Variants in ACOX2 observed in about 807,000 individuals in gnomAD.
ACOX2 encodes the protein peroxisomal acyl-coenzyme A oxidase 2.
Under a neutral mutation model 77.5 loss-of-function variants are expected in ACOX2, and 59 were observed. The observed-to-expected ratio is 0.76, with a 90% confidence interval of 0.62 to 0.95. The LOEUF (loss-of-function observed/expected upper bound fraction) is 0.95, where lower values mean the gene tolerates loss of function less well. Among genes scored for constraint, ACOX2 ranks in the 40% least tolerant of loss-of-function variants. The pLI is 0.00. For missense variants in ACOX2, 837 were observed against 880.4 expected (o/e 0.95, Z 0.62); for synonymous variants, 317 against 340.1 (o/e 0.93, Z 0.75).
chr3:58,531,144 G>A lies in ACOX2; in HGVS notation c.819+107C>T, dbSNP rs569134699. ...ATCAGAGCCTCTCTTGGGGGAGGAGGTTATGTGGCCCAAACTAAGCTCTAT... is the reference window on the plus strand; with the variant it reads ...ATCAGAGCCTCTCTTGGGGGAGGAGATTATGTGGCCCAAACTAAGCTCTAT... On this transcript the variant is annotated intron_variant, in intron 7 of 14. Transcript: ENST00000302819. The surrounding 1 kb of genome is among the most constrained non-coding windows in gnomAD (Gnocchi z 5.8). The A allele has an allele frequency of 1.6e-4, 153 of 934,502 alleles. 3 individuals are homozygous for A. The South Asian group carries it at 2.5e-3, about 15-fold the overall frequency. 57.9% of individuals were successfully genotyped at this position (934,502 alleles called of 1,614,324 possible).
At chr3:58,510,860 C>T (rs1005021974) in intron 13 of ACOX2, 2 of 399,982 alleles carry the variant, frequency 5.0e-6, no homozygotes, top group Non-Finnish European at 1.0e-5. Flanking sequence ...AAAAAACAAT[C>T]ATAACTGGTG....
rs534444256 is a variant in ACOX2 at position 58,531,011 on chromosome 3, G to A, written c.819+240C>T. Among the ~76,000 whole-genome samples the A allele has an allele frequency of 8.3e-4, 127 of 152,248 alleles. 5 individuals carry two copies. In the South Asian group the frequency reaches 0.025, roughly 30 times the overall value. On this transcript the variant is annotated intron_variant, in intron 7 of 14. Coordinates refer to ENST00000302819, the MANE Select transcript of ACOX2 (RefSeq NM_003500.4). The surrounding 1 kb of genome is among the most constrained non-coding windows in gnomAD (Gnocchi z 5.8). Reference sequence around the variant, plus strand: ...TCCTGGGGCTGCCACCCCACCCCACGATTGCTCTGTCAGCCTATGTGACGA... The same window carrying A: ...TCCTGGGGCTGCCACCCCACCCCACAATTGCTCTGTCAGCCTATGTGACGA...
At position 58,524,996 on chromosome 3, in the gene ACOX2, TAGG is replaced by T. The variant is rs2063384523; in HGVS notation, c.1347-394_1347-392del. ...ATAGAGGCAAGAATGCTAACAGGAG[TAGG>T]AGGATTATAGGTGACTCTCAACTGC... On this transcript the variant is annotated intron_variant, in intron 10 of 14. Transcript: ENST00000302819. The surrounding 1 kb of genome is among the most constrained non-coding windows in gnomAD (Gnocchi z 5.5). 6.6e-6 allele frequency among the ~76,000 whole-genome samples: 1 copy of T among 151,986 alleles called. No individual in the cohort carries two copies. Among genetic ancestry groups the T allele is most frequent in the African/African-American group, 2.4e-5 (1 of 41,386 alleles).
At position 58,531,621 on chromosome 3, in the gene ACOX2, G is replaced by A; in HGVS notation, c.703+72C>T. ...TCTTAGCTACTCCTGTGGCCCTCTG[G>A]GGCCCCAGGTCAGGGAGGCCACCTG... On this transcript the variant is annotated intron_variant, in intron 6 of 14. Transcript: ENST00000302819. The surrounding 1 kb of genome is among the most constrained non-coding windows in gnomAD (Gnocchi z 5.8). The A allele has an allele frequency of 6.4e-7, 1 of 1,573,238 alleles. No individual in the cohort carries two copies. The highest frequency in any genetic ancestry group is 1.2e-5 in the South Asian group (1 of 84,014).
At chr3:58,529,183 T>C (rs1018365431) in intron 8 of ACOX2, 2 of 397,250 alleles carry the variant, frequency 5.0e-6, no homozygotes, top group Non-Finnish European at 8.8e-6. Context: ...CTGCCCCTTG[T>C]TAAGGGAGGC....
Position 58,530,500 on chromosome 3 carries a change from A to G in ACOX2, c.958T>C (p.Ser320Pro). 6.2e-7 allele frequency: 1 copy of G among 1,614,214 alleles called. No homozygotes were observed. The highest frequency in any genetic ancestry group is 8.5e-7 in the Non-Finnish European group (1 of 1,180,018). Residue 320 changes from serine to proline, a missense_variant, in exon 8 of 15, where the codon TCG becomes CCG. By Grantham distance (74) the Ser-to-Pro change is moderately conservative (BLOSUM62 -1). Transcript: ENST00000302819. ...QKACVIAMRY[S>P]VIRRQSRLRP... The stretch of plus-strand genomic sequence containing the variant: ...AGCCGGGATTGGCGGCGGATGACCG[A>G]GTAGCGCATGGCGATGACACAGGCC...
chr3:58,520,571 G>A (rs1202101112), intron 12 of ACOX2, among the ~76,000 whole-genome samples: 3 of 152,234 alleles, frequency 2.0e-5, no homozygotes, highest in Admixed American at 1.3e-4. Flanking sequence ...GCTCCCCCTT[G>A]TCTACTCTTC....
chr3:58,521,927 T>C lies in ACOX2; in HGVS notation c.1632+569A>G, dbSNP rs2063361222. On this transcript the variant is annotated intron_variant, in intron 12 of 14. Transcript: ENST00000302819. The surrounding 1 kb of genome is among the most constrained non-coding windows in gnomAD (Gnocchi z 4.8). ...TAGCTGGCTAATTTCAGCTTATCCT[T>C]GAAGTCTTAGCTGATATGCCACTTC... 6.6e-6 allele frequency among the ~76,000 whole-genome samples: 1 copy of C among 152,252 alleles called. No individual in the cohort carries two copies. Among genetic ancestry groups the C allele is most frequent in the South Asian group, 2.1e-4 (1 of 4,832 alleles).
Position 58,526,395 on chromosome 3 carries a change from C to G in ACOX2, c.1346+71G>C. On this transcript the variant is annotated intron_variant, in intron 10 of 14. Coordinates refer to ENST00000302819, the MANE Select transcript of ACOX2 (RefSeq NM_003500.4). The surrounding 1 kb of genome is among the most constrained non-coding windows in gnomAD (Gnocchi z 4.3). ...CTCTTTTTATGGGCCTCAGACGGAA[C>G]CCTCCACCCAACAGAAGCTTGGTGG... The G allele has an allele frequency of 2.0e-6, 3 of 1,488,284 alleles. No homozygotes were observed. Among genetic ancestry groups the G allele is most frequent in the Non-Finnish European group, 2.7e-6 (3 of 1,110,612 alleles). The allele number at this position is 1,488,284 out of a possible 1,614,324, so 92.2% of individuals were successfully genotyped here. A position where few individuals can be genotyped will look rare whatever the true frequency, so the allele number is the denominator to read the frequency against.
In ACOX2 at chr3:58,530,572, C is replaced by T. The variant is rs377280329; in HGVS notation, c.886G>A (p.Val296Met). 27 of 1,614,258 alleles carry T rather than the reference C, an allele frequency of 1.7e-5. No individual in the cohort carries two copies. In the African/African-American group the frequency reaches 3.5e-4, roughly 21 times the overall value. The stretch of plus-strand genomic sequence containing the variant: ...TCCCCTGACAGCAGCTCCACCCGCA[C>T]CACCACCATGGGAAGGTAGTTGCTC... Reference protein sequence around the residue: ...AQSNYLPMVVVRVELLSGEIL... With the variant: ...AQSNYLPMVVMRVELLSGEIL... Residue 296 changes from valine (V) to methionine (M), a missense_variant, in exon 8 of 15, where the codon GTG becomes ATG. Coordinates refer to ENST00000302819, the MANE Select transcript of ACOX2 (RefSeq NM_003500.4).
rs973431863 is a variant in ACOX2 at position 58,526,138 on chromosome 3, A to G, written c.1346+328T>C. The stretch of plus-strand genomic sequence containing the variant: ...ACAGCATAGAATATGTCATTTTCCT[A>G]TGAGCACTGGGAAGCCGTTGAAGAA... On this transcript the variant is annotated intron_variant, in intron 10 of 14. Transcript: ENST00000302819. This position sits in a 1 kb window ranked among gnomAD's most constrained non-coding sequence, Gnocchi z 4.3. Among the ~76,000 whole-genome samples, 1 of 152,160 alleles carries G rather than the reference A, an allele frequency of 6.6e-6. No homozygotes were observed. The highest frequency in any genetic ancestry group is 2.4e-5 in the African/African-American group (1 of 41,458).
Position 58,531,429 on chromosome 3 carries a change from T to A in ACOX2, c.704-63A>T. The A allele has an allele frequency of 2.1e-6, 3 of 1,456,104 alleles. No homozygotes were observed. The highest frequency in any genetic ancestry group is 2.9e-6 in the Non-Finnish European group (3 of 1,043,538). 90.2% of individuals were successfully genotyped at this position (1,456,104 alleles called of 1,614,324 possible). A position where few individuals can be genotyped will look rare whatever the true frequency, so the allele number is the denominator to read the frequency against. On this transcript the variant is annotated intron_variant, in intron 6 of 14. Transcript: ENST00000302819. This position sits in a 1 kb window ranked among gnomAD's most constrained non-coding sequence, Gnocchi z 5.8. ...GAGAGTGCTTGCTATGTGGCAGGTATCATACACACATTCCAGGTCACAGCA... is the reference window on the plus strand; with the variant it reads ...GAGAGTGCTTGCTATGTGGCAGGTAACATACACACATTCCAGGTCACAGCA...
At chr3:58,511,163 G>C (rs1052617992) in intron 13 of ACOX2, 2 of 399,938 alleles carry the variant, frequency 5.0e-6, no homozygotes, top group Admixed American at 5.9e-5. Flanking sequence ...GTCCCTCCTT[G>C]TCTACTAGAT....
chr3:58,516,358 C>T (rs183452479), intron 13 of ACOX2, among the ~76,000 whole-genome samples: 6 of 152,306 alleles, frequency 3.9e-5, no homozygotes, highest in African/African-American at 1.4e-4. Flanking sequence ...GCCCAGGGGC[C>T]AGACCTGAGA....
Position 58,526,737 on chromosome 3 carries a change from A to T in ACOX2, c.1156-81T>A. The T allele has an allele frequency of 6.9e-7, 1 of 1,442,796 alleles. No homozygotes were observed. The highest frequency in any genetic ancestry group is 9.5e-7 in the Non-Finnish European group (1 of 1,053,572). The allele number at this position is 1,442,796 out of a possible 1,614,324, so 89.4% of individuals were successfully genotyped here. On this transcript the variant is annotated intron_variant, in intron 9 of 14. Coordinates refer to ENST00000302819, the MANE Select transcript of ACOX2 (RefSeq NM_003500.4). This position sits in a 1 kb window ranked among gnomAD's most constrained non-coding sequence, Gnocchi z 4.3. ...CAACCCTGTGCACCACTTACTGAGC[A>T]TCTACTCATGCCCAGCTCAGCTCTG... is the stretch of plus-strand genomic sequence containing the variant.
chr3:58,529,722 T>C (rs780387984), intron 8 of ACOX2, among the ~76,000 whole-genome samples: 26 of 152,206 alleles, frequency 1.7e-4, no homozygotes, highest in Non-Finnish European at 3.1e-4. Flanking sequence ...CGCTGTGAGC[T>C]TGCCAGAGGA....
In ACOX2 at chr3:58,522,379, G is replaced by A; in HGVS notation, c.1632+117C>T. The A allele has an allele frequency of 1.1e-6, 1 of 943,996 alleles. No individual in the cohort carries two copies. The highest frequency in any genetic ancestry group is 1.6e-6 in the Non-Finnish European group (1 of 609,656). 58.5% of individuals were successfully genotyped at this position (943,996 alleles called of 1,614,324 possible). On this transcript the variant is annotated intron_variant, in intron 12 of 14. Transcript: ENST00000302819. The surrounding 1 kb of genome is among the most constrained non-coding windows in gnomAD (Gnocchi z 4.3). Reference sequence around the variant, plus strand: ...ACTAAAGCCTTGGAAGTGAAATGAGGGCAGCCGCCACTGAAGCAGAGTTGG... The same window carrying A: ...ACTAAAGCCTTGGAAGTGAAATGAGAGCAGCCGCCACTGAAGCAGAGTTGG...
In ACOX2 at chr3:58,535,283, C is replaced by T; in HGVS notation, c.-91-86G>A. ...GACATCCCTAAGTACCTGAATGCCA[C>T]TCCACCTCCCCACTCCCCCTGTGGA... On this transcript the variant is annotated intron_variant, in intron 1 of 14. Transcript: ENST00000302819. The surrounding 1 kb of genome is among the most constrained non-coding windows in gnomAD (Gnocchi z 4.8). 4.4e-6 allele frequency: 3 copies of T among 686,842 alleles called. No individual in the cohort carries two copies. Among genetic ancestry groups the T allele is most frequent in the East Asian group, 2.6e-5 (1 of 37,900 alleles). The allele number at this position is 686,842 out of a possible 1,614,324, so 42.5% of individuals were successfully genotyped here.
At position 58,526,689 on chromosome 3, in the gene ACOX2, TA is replaced by T. The variant is rs2063398439; in HGVS notation, c.1156-34del. ...AACATGGAGGGGGGTTGGGCGGTGT[TA>T]GGGGGCCTCCACCATAGGGACCAAC... On this transcript the variant is annotated intron_variant, in intron 9 of 14. Transcript: ENST00000302819. This position sits in a 1 kb window ranked among gnomAD's most constrained non-coding sequence, Gnocchi z 4.3. The T allele has an allele frequency of 1.2e-6, 2 of 1,603,996 alleles. No homozygotes were observed. The highest frequency in any genetic ancestry group is 1.7e-6 in the Non-Finnish European group (2 of 1,175,120).
Sources: allele counts gnomAD v4.1 joint callset (sites outside exome capture counted in the v4.1 genomes callset), GRCh38; gene constraint gnomAD v4.1.1; non-coding constraint Gnocchi (gnomAD v3.1); transcripts MANE v1.5; gene names NCBI Gene and HGNC (gene_info 2026-07-23, HGNC 2026-07-21).